The following ERC1 variants were observed in gnomAD, a reference collection of about 807,000 sequenced individuals.
ERC1 encodes ELKS/RAB6-interacting/CAST family member 1, also known as RAB6 interacting protein 2.
A neutral mutation model predicts 132.0 loss-of-function variants in ERC1; 56 were observed. The observed-to-expected ratio is 0.42, with a 90% CI of 0.34 to 0.53. ERC1 has a LOEUF of 0.53. ERC1 is among the 20% of genes least tolerant of loss of function. ERC1 has a pLI of 0.03. For missense variants in ERC1, 1,202 were observed against 1,349.9 expected (o/e 0.89, Z 1.72); for synonymous variants, 478 against 476.1 (o/e 1.00, Z -0.05).
chr12:1,095,500 G>T (rs1415211209), intron 3 of ERC1, among the ~76,000 whole-genome samples: 2 of 151,358 alleles, frequency 1.3e-5, no homozygotes, highest in Non-Finnish European at 2.9e-5. Context: ...ATTTTTTATG[G>T]TCTACCACAT....
At chr12:1,317,862 C>T (rs1171029990) in intron 15 of ERC1, among the ~76,000 whole-genome samples, 1 of 152,134 alleles carries the variant, frequency 6.6e-6, no homozygotes, top group Non-Finnish European at 1.5e-5. Flanking sequence ...TTTAGTTAAT[C>T]ACCTAGCAGA....
At chr12:1,170,822 C>G (rs2154265781) in intron 8 of ERC1, among the ~76,000 whole-genome samples, 1 of 152,198 alleles carries the variant, frequency 6.6e-6, no homozygotes, top group South Asian at 2.1e-4. Context: ...TAAAATCTAC[C>G]TGGAGCAGTG....
At chr12:1,143,329 C>CGTGCGTGT (rs1950024967) in intron 8 of ERC1, among the ~76,000 whole-genome samples, 1 of 128,890 alleles carries the variant, frequency 7.8e-6, no homozygotes, top group South Asian at 3.1e-4. Context: ...GCTTTTGACT[C>CGTGCGTGT]GTGTGTGTGT....
chr12:1,078,779 G>A lies in ERC1; in HGVS notation c.670-4385G>A, dbSNP rs184559393. Among the ~76,000 whole-genome samples the A allele has an allele frequency of 4.6e-5, 7 of 151,988 alleles. No individual in the cohort carries two copies. In the East Asian group the frequency reaches 1.4e-3, roughly 29 times the overall value. ...CAAGGAGAGAGGAGTCACAAAAGTT[G>A]ATATACAAAGACACAGATAGAAATG... On this transcript the variant is annotated intron_variant, in intron 2 of 18. Coordinates refer to ENST00000360905, the MANE Select transcript of ERC1 (RefSeq NM_178040.4).
intron 1 of ERC1, among the ~76,000 whole-genome samples, chr12:1,019,063 C>G (rs1015545678): frequency 1.3e-5 from 2 of 152,118 alleles, no homozygotes; most frequent in African/African-American, 4.8e-5. Flanking sequence ...GTAGTAGTTT[C>G]AGAGAGATAG....
chr12:1,405,403 A>C (rs572402240), intron 16 of ERC1, among the ~76,000 whole-genome samples: 1 of 152,042 alleles, frequency 6.6e-6, no homozygotes, highest in South Asian at 2.1e-4. Context: ...TATGGGACTC[A>C]CTAAATATCC....
intron 16 of ERC1, among the ~76,000 whole-genome samples, chr12:1,389,281 C>A (rs2089724239): frequency 6.6e-6 from 1 of 152,152 alleles, no homozygotes; most frequent in African/African-American, 2.4e-5. Context: ...GCTGGAGATG[C>A]TCCAGGTAAA....
At chr12:1,155,853 G>A (rs1951338515) in intron 8 of ERC1, among the ~76,000 whole-genome samples, 1 of 142,832 alleles carries the variant, frequency 7.0e-6, no homozygotes, top group Non-Finnish European at 1.5e-5. Context: ...AGAGTAATAT[G>A]TGTTCAAGGT....
chr12:1,433,764 G>A (rs764011140), intron 17 of ERC1, among the ~76,000 whole-genome samples: 1 of 152,192 alleles, frequency 6.6e-6, no homozygotes, highest in Non-Finnish European at 1.5e-5. Flanking sequence ...TACAGTTGCT[G>A]AAGCCCACAA....
chr12:1,341,376 G>A (rs988508696), intron 15 of ERC1, among the ~76,000 whole-genome samples: 6 of 151,716 alleles, frequency 4.0e-5, no homozygotes, highest in African/African-American at 1.2e-4. Context: ...TGTTTATTTC[G>A]GCACTATTCA....
chr12:1,418,601 TTCTTTCTTTCTTTCTTTC>T (rs2092252596), intron 17 of ERC1, among the ~76,000 whole-genome samples: 1 of 41,576 alleles, frequency 2.4e-5, no homozygotes, highest in South Asian at 1.0e-3. Context: ...CTTTCTTTCT[TTCTTTCTTTCTTTCTTTC>T]TTTCTTTCTT....
In ERC1 at chr12:1,104,776, T is replaced by C. The variant is rs778112713; in HGVS notation, c.1113T>C (p.Ala371=). 1.2e-6 allele frequency: 2 copies of C among 1,613,552 alleles called. No individual in the cohort carries two copies. Among genetic ancestry groups the C allele is most frequent in the Non-Finnish European group, 1.7e-6 (2 of 1,179,450 alleles). ...REEMHRRFEN[A]PDSAKTKALQ... ...AGATGCATCGAAGGTTTGAGAATGC[T>C]CCTGATTCTGCCAAAACAAAAGCTC... Residue 371 remains alanine (A), a synonymous_variant, in exon 4 of 19, where the codon GCT becomes GCC. Transcript: ENST00000360905.
At chr12:1,249,734 A>T (rs2076360102) in intron 13 of ERC1, among the ~76,000 whole-genome samples, 1 of 152,198 alleles carries the variant, frequency 6.6e-6, no homozygotes, top group South Asian at 2.1e-4. Flanking sequence ...TGGCTAGCTT[A>T]TAAACAACAG....
At chr12:1,166,937 A>G (rs1371969498) in intron 8 of ERC1, among the ~76,000 whole-genome samples, 5 of 152,238 alleles carry the variant, frequency 3.3e-5, no homozygotes. Flanking sequence ...TCATGGAAAT[A>G]ATTTTGACTC....
chr12:1,438,954 A>ATATATAT (rs1555093208), intron 17 of ERC1, among the ~76,000 whole-genome samples: 11 of 143,580 alleles, frequency 7.7e-5, no homozygotes, highest in Non-Finnish European at 1.2e-4. Flanking sequence ...TTTAAAAAAA[A>ATATATAT]ATATATATAT....
At chr12:1,115,468 A>G (rs373900867) in intron 6 of ERC1, among the ~76,000 whole-genome samples, 4 of 152,336 alleles carry the variant, frequency 2.6e-5, no homozygotes, top group African/African-American at 7.2e-5. Flanking sequence ...CTCATCCTGC[A>G]TTTGATCCAT....
intron 2 of ERC1, among the ~76,000 whole-genome samples, chr12:1,049,381 T>C (rs938919385): frequency 6.6e-6 from 1 of 152,192 alleles, no homozygotes; most frequent in African/African-American, 2.4e-5. Context: ...TGGCTGCATA[T>C]TGGTATCACT....
chr12:1,246,998 G>A (rs1008295578), intron 13 of ERC1, among the ~76,000 whole-genome samples: 4 of 152,128 alleles, frequency 2.6e-5, no homozygotes, highest in East Asian at 1.9e-4. Context: ...GTATAGTGGT[G>A]CATACCTATA....
chr12:1,288,620 C>G (rs1050073808), intron 14 of ERC1, among the ~76,000 whole-genome samples: 1 of 152,158 alleles, frequency 6.6e-6, no homozygotes, highest in Admixed American at 6.5e-5. Flanking sequence ...GTCAGTGAAA[C>G]AACTTTGATT....
Sources: allele counts gnomAD v4.1 joint callset (sites outside exome capture counted in the v4.1 genomes callset), GRCh38; gene constraint gnomAD v4.1.1; transcripts MANE v1.5; gene names NCBI Gene and HGNC (gene_info 2026-07-23, HGNC 2026-07-21).